The following THSD7B variants were observed in gnomAD, a reference collection of about 807,000 sequenced individuals.
THSD7B encodes thrombospondin type 1 domain containing 7B.
THSD7B carries 138 observed loss-of-function variants against 213.6 expected under a neutral mutation model. The ratio of observed to expected loss-of-function variants is 0.65; its 90% CI spans 0.56 to 0.74. THSD7B has a LOEUF of 0.74. Among genes scored for constraint, THSD7B ranks in the 30% least tolerant of loss-of-function variants. THSD7B has a pLI of 0.00. For missense variants in THSD7B, 1,931 were observed against 1,991.5 expected (o/e 0.97, Z 0.58); for synonymous variants, 742 against 687.0 (o/e 1.08, Z -1.25).
At chr2:136,944,161 C>T (rs981809709) in intron 2 of THSD7B, among the ~76,000 whole-genome samples, 5 of 152,064 alleles carry the variant, frequency 3.3e-5, no homozygotes, top group Admixed American at 1.3e-4. Flanking sequence ...TTCAGGAGCA[C>T]GTCATTCAGT....
At chr2:137,005,007 G>A (rs1275698761) in intron 2 of THSD7B, among the ~76,000 whole-genome samples, 1 of 152,122 alleles carries the variant, frequency 6.6e-6, no homozygotes, top group African/African-American at 2.4e-5. Context: ...TTCTTACATT[G>A]TGAAAAATAA....
chr2:137,511,345 T>C (rs1299304426), intron 15 of THSD7B, among the ~76,000 whole-genome samples: 1 of 152,226 alleles, frequency 6.6e-6, no homozygotes, highest in Admixed American at 6.5e-5. Flanking sequence ...GGATAACTTT[T>C]CTGTTTCTCT....
intron 12 of THSD7B, among the ~76,000 whole-genome samples, chr2:137,338,270 A>G (rs1226656683): frequency 6.6e-6 from 1 of 152,028 alleles, no homozygotes; most frequent in Non-Finnish European, 1.5e-5. Context: ...TGCATGGCGA[A>G]TAGCTTCTCC....
chr2:137,434,183 A>G (rs2105044245), intron 14 of THSD7B, among the ~76,000 whole-genome samples: 1 of 152,340 alleles, frequency 6.6e-6, no homozygotes, highest in South Asian at 2.1e-4. Flanking sequence ...TTGTTTGGGT[A>G]GCTACAAAAA....
intron 2 of THSD7B, among the ~76,000 whole-genome samples, chr2:136,909,455 G>A (rs1047783074): frequency 1.3e-5 from 2 of 152,106 alleles, no homozygotes; most frequent in Non-Finnish European, 2.9e-5. Flanking sequence ...TGAAGGCAAG[G>A]CCATTTCTTA....
chr2:137,324,696 C>G (rs1001332496), intron 12 of THSD7B, among the ~76,000 whole-genome samples: 1 of 152,004 alleles, frequency 6.6e-6, no homozygotes, highest in African/African-American at 2.4e-5. Flanking sequence ...GTGTATATTT[C>G]TAGAGAAATA....
rs766261059 is a variant in THSD7B at position 137,115,175 on chromosome 2, C to T, written c.1251C>T (p.Leu417=). Reference sequence around the variant, plus strand: ...AAGAATGCCAAGTCTCTCTCCTCCTCGAGCAGCAGGATCCCCACTGGCATG... The same window carrying T: ...AAGAATGCCAAGTCTCTCTCCTCCTTGAGCAGCAGGATCCCCACTGGCATG... The part of the protein sequence containing the change: ...EWKECQVSLL[L]EQQDPHWHVT... The change falls in exon 5 of 28, where the codon CTC becomes CTT. Residue 417 remains leucine, a synonymous_variant. Transcript: ENST00000409968. The T allele has an allele frequency of 2.9e-5, 46 of 1,613,828 alleles. No individual in the cohort carries two copies. In the South Asian group the frequency reaches 3.0e-4, roughly 10 times the overall value.
intron 12 of THSD7B, among the ~76,000 whole-genome samples, chr2:137,290,026 G>T (rs964922910): frequency 1.3e-5 from 2 of 151,562 alleles, no homozygotes; most frequent in African/African-American, 4.8e-5. Flanking sequence ...ATGGCTCAAT[G>T]TACATAGAAA....
chr2:137,435,629 C>T (rs761143443), intron 14 of THSD7B, among the ~76,000 whole-genome samples: 5 of 152,236 alleles, frequency 3.3e-5, no homozygotes, highest in East Asian at 3.9e-4. Flanking sequence ...TTCATGTCCA[C>T]GGGCAATGAT....
chr2:137,047,826 T>C (rs111473260), intron 2 of THSD7B, among the ~76,000 whole-genome samples: 2 of 152,292 alleles, frequency 1.3e-5, no homozygotes, highest in African/African-American at 4.8e-5. Flanking sequence ...AAGGAGTACA[T>C]GGTGAGAAAG....
chr2:136,836,822 C>G (rs1682850981), intron 1 of THSD7B, among the ~76,000 whole-genome samples: 1 of 152,144 alleles, frequency 6.6e-6, no homozygotes, highest in Non-Finnish European at 1.5e-5. Flanking sequence ...TCAAAACTAA[C>G]ACACCTAAAA....
intron 3 of THSD7B, among the ~76,000 whole-genome samples, chr2:137,061,869 C>T (rs1687280649): frequency 6.6e-6 from 1 of 151,644 alleles, no homozygotes; most frequent in African/African-American, 2.4e-5. Flanking sequence ...CTGCCCTCTT[C>T]GAATGAATTG....
chr2:137,183,234 G>A (rs1474080281), intron 7 of THSD7B, among the ~76,000 whole-genome samples: 1 of 152,120 alleles, frequency 6.6e-6, no homozygotes, highest in Non-Finnish European at 1.5e-5. Context: ...AAACAGTACA[G>A]TGCGTTCCTT....
chr2:136,781,431 A>ATT (rs1011794347), intron 1 of THSD7B, among the ~76,000 whole-genome samples: 3 of 140,768 alleles, frequency 2.1e-5, no homozygotes, highest in Non-Finnish European at 4.7e-5. Flanking sequence ...TGCCCGGCTA[A>ATT]TTTTTTTTTT....
chr2:137,167,130 A>G (rs1168886309), intron 6 of THSD7B, among the ~76,000 whole-genome samples: 2 of 152,094 alleles, frequency 1.3e-5, no homozygotes, highest in African/African-American at 4.8e-5. Flanking sequence ...TACTTAAGAC[A>G]GAATAAGCTT....
chr2:137,334,007 T>C (rs74364756), intron 12 of THSD7B, among the ~76,000 whole-genome samples: 2,023 of 152,312 alleles, frequency 0.013, 59 homozygotes, highest in African/African-American at 0.047. Flanking sequence ...ATATGGTTTC[T>C]GTCACAACTA....
intron 3 of THSD7B, among the ~76,000 whole-genome samples, chr2:137,064,684 A>T (rs1386587778): frequency 2.6e-5 from 4 of 151,782 alleles, no homozygotes; most frequent in Non-Finnish European, 5.9e-5. Flanking sequence ...ATTTTTTTGT[A>T]TGGTGAGACA....
chr2:137,605,882 G>A (rs1682166780), intron 17 of THSD7B, among the ~76,000 whole-genome samples: 3 of 152,006 alleles, frequency 2.0e-5, no homozygotes, highest in Middle Eastern at 6.8e-3. Flanking sequence ...TGTTAGCCAG[G>A]ATGGTCTCAG....
chr2:136,946,883 G>A (rs1684950311), intron 2 of THSD7B, among the ~76,000 whole-genome samples: 1 of 152,204 alleles, frequency 6.6e-6, no homozygotes, highest in African/African-American at 2.4e-5. Flanking sequence ...TCCAGGTACA[G>A]TCTGTCGTGA....
Sources: allele counts gnomAD v4.1 joint callset (sites outside exome capture counted in the v4.1 genomes callset), GRCh38; gene constraint gnomAD v4.1.1; transcripts MANE v1.5; gene names NCBI Gene and HGNC (gene_info 2026-07-23, HGNC 2026-07-21).